Variants in PIDD1 observed in about 807,000 individuals in gnomAD.
The protein encoded by PIDD1 is p53-induced death domain-containing protein 1.
Under a neutral mutation model 80.0 loss-of-function variants are expected in PIDD1, and 72 were observed. The observed-to-expected ratio is 0.90, with a 90% CI of 0.74 to 1.09. PIDD1 has a LOEUF of 1.09. PIDD1 is among the 50% of genes least tolerant of loss of function. The pLI is 0.00. For missense variants in PIDD1, 1,329 were observed against 1,228.3 expected (o/e 1.08, Z -1.23); for synonymous variants, 655 against 543.5 (o/e 1.21, Z -2.85).
upstream of PIDD1, among the ~76,000 whole-genome samples, chr11:808,489 G>A (rs1217213569): frequency 2.0e-5 from 3 of 152,230 alleles, no homozygotes; most frequent in African/African-American, 4.8e-5. Context: ...AGCACTTTGG[G>A]AGGCCCAGGT....
chr11:807,842 C>G (rs1326030087), upstream of PIDD1, among the ~76,000 whole-genome samples: 1 of 152,174 alleles, frequency 6.6e-6, no homozygotes, highest in African/African-American at 2.4e-5. Flanking sequence ...TTCAGGGCAA[C>G]TTGAATCTAT....
upstream of PIDD1, among the ~76,000 whole-genome samples, chr11:807,778 A>G (rs932284933): frequency 1.3e-5 from 2 of 152,218 alleles, no homozygotes; most frequent in African/African-American, 2.4e-5. Context: ...CTCAGTCTCA[A>G]AAATAAATAA....
At position 800,330 on chromosome 11, in the gene PIDD1, C is replaced by T. The variant is rs1299509306; in HGVS notation, c.2160+3G>A. The T allele has an allele frequency of 2.9e-5, 47 of 1,612,758 alleles. No individual in the cohort carries two copies. The highest frequency in any genetic ancestry group is 3.8e-5 in the Non-Finnish European group (45 of 1,179,996). ...TCTCCCCTCACCCACTCCCCTCGCCCACCTGGCCCCGCACAGCCTGAGCCT... is the reference window on the plus strand; with the variant it reads ...TCTCCCCTCACCCACTCCCCTCGCCTACCTGGCCCCGCACAGCCTGAGCCT... On this transcript the variant is annotated splice_donor_region_variant and intron_variant, in intron 13 of 15. Transcript: ENST00000347755.
Position 801,298 on chromosome 11 carries a change from A to G in PIDD1, c.1550T>C (p.Leu517Pro). 1 of 1,600,434 alleles carries G rather than the reference A, an allele frequency of 6.2e-7. No homozygotes were observed. Among genetic ancestry groups the G allele is most frequent in the Non-Finnish European group, 8.5e-7 (1 of 1,173,206 alleles). Residue 517 changes from leucine (L) to proline (P), a missense_variant, in exon 9 of 16, where the codon CTG becomes CCG. Physicochemically the swap from Leu to Pro is moderately conservative, Grantham distance 98. Coordinates refer to ENST00000347755, the MANE Select transcript of PIDD1 (RefSeq NM_145886.4). ...GGGACCGCTCTGTGACAGGCACAGC[A>G]GGGGGCTCACTGCAGCCTCTGGTTC... ...LGEPEAAVSP[L>P]LCLSQSGPPS... is the part of the protein sequence containing the mutation.
intron 7 of PIDD1, 84 bp from the exon 8 acceptor site, chr11:801,708 A>G (rs1439670549): frequency 1.6e-6 from 2 of 1,230,612 alleles, no homozygotes; most frequent in Non-Finnish European, 2.3e-6. Context: ...TCCAGGAGAG[A>G]CGGGGCGGGG....
At chr11:807,219 T>C (rs11246318), upstream of PIDD1, among the ~76,000 whole-genome samples, 64,826 of 147,310 alleles carry the variant, frequency 0.44, 15,072 homozygotes, top group Admixed American at 0.56. Context: ...GGCTGGGCGC[T>C]GTGGCTCGCA....
upstream of PIDD1, chr11:805,469 G>T: frequency 2.6e-6 from 1 of 379,580 alleles, no homozygotes; most frequent in Non-Finnish European, 3.6e-6. Flanking sequence ...CGGGGTCGGA[G>T]CCGTACAGCC....
rs763953942 is a variant in PIDD1, at chr11:800,849, C to G, written c.1830G>C (p.Arg610=). Reference sequence around the variant, plus strand: ...TGAGGTTCACACGGTGCAGCCGCAGCCGCTCCCAGGCCTTCCGAGCCAGGC... The same window carrying G: ...TGAGGTTCACACGGTGCAGCCGCAGGCGCTCCCAGGCCTTCCGAGCCAGGC... ...VGGLARKAWE[R]LRLHRVNLIA... is the part of the protein sequence containing the mutation. The change falls in exon 11 of 16, where the codon CGG becomes CGC. Residue 610 remains arginine, a synonymous_variant. Transcript: ENST00000347755. 4 of 1,573,368 alleles carry G rather than the reference C, an allele frequency of 2.5e-6. No individual in the cohort carries two copies. In the African/African-American group the frequency reaches 5.4e-5, roughly 21 times the overall value.
Position 799,898 on chromosome 11 carries a change from C to A in PIDD1, c.2391G>T (p.Gly797=), listed in dbSNP as rs760296825. The A allele has an allele frequency of 1.2e-6, 2 of 1,612,378 alleles. No individual in the cohort carries two copies. The highest frequency in any genetic ancestry group is 1.7e-6 in the Non-Finnish European group (2 of 1,179,848). Residue 797 remains glycine, a synonymous_variant, in exon 15 of 16, where the codon GGG becomes GGT. Transcript: ENST00000347755. ...CGGCTGGCCAGTCCAGACCCAGACG[C>A]CCAGCCACACTCAGCAGGTTGCTCT... The part of the protein sequence containing the change: ...LTQSNLLSVA[G]RLGLDWPAVA...
chr11:800,244 C>A lies in PIDD1; in HGVS notation c.2161G>T (p.Val721Leu), dbSNP rs779889107. 1 of 1,610,882 alleles carries A rather than the reference C, an allele frequency of 6.2e-7. No homozygotes were observed. Residue 721 changes from valine to leucine, a missense_variant and splice_region_variant, in exon 14 of 16, where the codon GTG becomes TTG. Coordinates refer to ENST00000347755, the MANE Select transcript of PIDD1 (RefSeq NM_145886.4). ...DREAQAVRGQ[V>L]SFYRGAVPVR... is the part of the protein sequence containing the mutation. ...GGCACCGCGCCACGGTAGAAGGACA[C>A]CTGAAGGGGCATCGAATGGGGTTCG...
rs1324226830 is a variant in PIDD1 at position 799,406 on chromosome 11, G to C, written c.2634C>G (p.Arg878=). Residue 878 remains arginine, a synonymous_variant, in exon 16 of 16, where the codon CGC becomes CGG. Transcript: ENST00000347755. ...TGCGTCGGATGCTGTCCTGGTACTTGCGGCGGCCGAGCTCCAAGACTGCGC... is the reference window on the plus strand; with the variant it reads ...TGCGTCGGATGCTGTCCTGGTACTTCCGGCGGCCGAGCTCCAAGACTGCGC... ...EVRAVLELGR[R]KYQDSIRRMG... 6.2e-7 allele frequency: 1 copy of C among 1,611,776 alleles called. No individual in the cohort carries two copies. Among genetic ancestry groups the C allele is most frequent in the Admixed American group, 1.7e-5 (1 of 60,010 alleles).
intron 2 of PIDD1, 96 bp from the exon 3 acceptor site, chr11:803,683 G>C (rs1865565650): frequency 7.1e-7 from 1 of 1,405,122 alleles, no homozygotes; most frequent in Non-Finnish European, 9.7e-7. Context: ...GAGAGGCACA[G>C]ACCTCCCACC....
intron 7 of PIDD1, 152 bp from the exon 8 acceptor site, chr11:801,776 T>G (rs7479183): frequency 0.49 from 415,317 of 848,272 alleles, 110,067 homozygotes; most frequent in Admixed American, 0.65. Context: ...GGGGTGGAAG[T>G]TGCCAGGGAC....
At position 803,386 on chromosome 11, in the gene PIDD1, G is replaced by A. The variant is rs1038385406; in HGVS notation, c.497C>T (p.Ala166Val). ...SHNCLSELPE[A>V]LGALPALTFL... ...GGTGAGGGCGGGGAGGGCCCCCAGA[G>A]CCTCAGGCAGCTCAGAGAGGCAGTT... Residue 166 changes from alanine to valine, a missense_variant, in exon 3 of 16, where the codon GCT becomes GTT. Ala to Val is a moderately conservative substitution (Grantham distance 64). Coordinates refer to ENST00000347755, the MANE Select transcript of PIDD1 (RefSeq NM_145886.4). The A allele has an allele frequency of 3.1e-6, 5 of 1,614,004 alleles. No homozygotes were observed. Among genetic ancestry groups the A allele is most frequent in the Admixed American group, 1.7e-5 (1 of 60,034 alleles).
At chr11:808,002 T>C (rs1413757113), upstream of PIDD1, among the ~76,000 whole-genome samples, 1 of 152,170 alleles carries the variant, frequency 6.6e-6, no homozygotes, top group Non-Finnish European at 1.5e-5. Flanking sequence ...AAATACTGTA[T>C]TATTTCAGTC....
chr11:803,454 A>T lies in PIDD1; in HGVS notation c.429T>A (p.Cys143Ter), dbSNP rs1272386576. ...CACCCAGACCTCGCATCTGCAGGAC[A>T]CAGGCCGGCAGTGTCTCCAGGCTGT... ...SFNSLETLPA[C>*]VLQMRGLGAL... Residue 143 changes from cysteine (C) to a stop codon, truncating the protein, a stop_gained, in exon 3 of 16, where the codon TGT (cysteine) becomes TGA (stop). Transcript: ENST00000347755. LOFTEE classifies it high-confidence loss of function. The T allele has an allele frequency of 2.5e-6, 4 of 1,613,702 alleles. No individual in the cohort carries two copies. Among genetic ancestry groups the T allele is most frequent in the Non-Finnish European group, 3.4e-6 (4 of 1,180,020 alleles).
upstream of PIDD1, among the ~76,000 whole-genome samples, chr11:807,073 TC>T (rs1289955873): frequency 1.3e-5 from 2 of 151,100 alleles, no homozygotes; most frequent in Admixed American, 6.6e-5. Context: ...GCGCCTGTAA[TC>T]CCAGCTACTG....
intron 6 of PIDD1, 40 bp from the exon 7 acceptor site, chr11:802,130 G>T (rs562654950): frequency 1.3e-6 from 2 of 1,561,602 alleles, no homozygotes. Context: ...AGCCATGCCC[G>T]GGCCCGCACA....
chr11:804,074 C>G lies in PIDD1; in HGVS notation c.295+20G>C. ...GCAGAGCGAGAGATGGAGACAGGGC[C>G]CAGAACAGGTGGAACTCACCTTTGA... On this transcript the variant is annotated intron_variant, in intron 2 of 15. Transcript: ENST00000347755. 6.3e-7 allele frequency: 1 copy of G among 1,589,808 alleles called. No homozygotes were observed. Among genetic ancestry groups the G allele is most frequent in the Non-Finnish European group, 8.6e-7 (1 of 1,165,016 alleles).
Sources: gnomAD v4.1 joint callset for allele counts (sites outside exome capture counted in the v4.1 genomes callset) on GRCh38, gnomAD v4.1.1 for gene constraint, MANE v1.5 for transcripts, NCBI Gene and HGNC (gene_info 2026-07-23, HGNC 2026-07-21) for gene names.